Variants in TTC7B observed in about 807,000 individuals in gnomAD.
TTC7B encodes tetratricopeptide repeat domain 7B, also known as tetratricopeptide repeat protein 7B.
Under a neutral mutation model 106.8 loss-of-function variants are expected in TTC7B, and 28 were observed. The observed-to-expected ratio is 0.26, with a 90% CI of 0.19 to 0.36. The LOEUF (loss-of-function observed/expected upper bound fraction) is 0.36. Ranked by LOEUF, TTC7B falls within the 10% of genes least tolerant of loss-of-function variation. The pLI, the probability that TTC7B is intolerant of heterozygous loss-of-function variation, is 1.00. For synonymous variants in TTC7B, 405 were observed against 430.6 expected, an observed-to-expected ratio of 0.94 and a Z score of 0.74; for missense variants, 862 against 1,076.4, an observed-to-expected ratio of 0.80 and a Z score of 2.79.
Position 90,657,954 on chromosome 14 carries a change from G to T in TTC7B, c.1236+350C>A. Reference sequence around the variant, plus strand: ...CATGCACTGCCTAATATAACACATTGCTCAAGATAACCAACAGGTTTCCCC... The same window carrying T: ...CATGCACTGCCTAATATAACACATTTCTCAAGATAACCAACAGGTTTCCCC... On this transcript the variant is annotated intron_variant, in intron 10 of 19. Coordinates refer to ENST00000328459, the MANE Select transcript of TTC7B (RefSeq NM_001010854.2). The surrounding 1 kb of genome is among the most constrained non-coding windows in gnomAD (Gnocchi z 4.2). The T allele has an allele frequency of 3.3e-6, 1 of 304,512 alleles. No individual in the cohort carries two copies. The highest frequency in any genetic ancestry group is 6.4e-6 in the Non-Finnish European group (1 of 156,542). 18.9% of individuals were successfully genotyped at this position (304,512 alleles called of 1,614,324 possible). A position where few individuals can be genotyped will look rare whatever the true frequency, so the allele number is the denominator to read the frequency against.
chr14:90,564,057 G>A (rs1454847613), intron 19 of TTC7B, among the ~76,000 whole-genome samples: 1 of 151,444 alleles, frequency 6.6e-6, no homozygotes, highest in Admixed American at 6.6e-5. Context: ...ATGAATCATG[G>A]ATGATCTTAA....
chr14:90,602,152 C>T, intron 17 of TTC7B: 2 of 456,024 alleles, frequency 4.4e-6, no homozygotes, highest in South Asian at 1.5e-5. Flanking sequence ...GCACTGGATC[C>T]CCATATCCAC....
intron 8 of TTC7B, among the ~76,000 whole-genome samples, chr14:90,678,878 G>C (rs1342097453): frequency 2.0e-5 from 3 of 152,176 alleles, no homozygotes; most frequent in Non-Finnish European, 4.4e-5. Flanking sequence ...GAATTGTCCA[G>C]GTAATCTAAA....
At chr14:90,741,471 A>C (rs1889761656) in intron 4 of TTC7B, among the ~76,000 whole-genome samples, 1 of 152,152 alleles carries the variant, frequency 6.6e-6, no homozygotes, top group Non-Finnish European at 1.5e-5. Flanking sequence ...GTGACAGGGC[A>C]CCATGGAGAG....
chr14:90,705,834 C>T (rs531675007), intron 5 of TTC7B, among the ~76,000 whole-genome samples: 80 of 152,288 alleles, frequency 5.3e-4, no homozygotes, highest in Non-Finnish European at 9.8e-4. Flanking sequence ...TTACACCTTC[C>T]CCACTACCTC....
intron 19 of TTC7B, among the ~76,000 whole-genome samples, chr14:90,568,034 C>T (rs1486171027): frequency 6.6e-6 from 1 of 152,160 alleles, no homozygotes; most frequent in Admixed American, 6.5e-5. Flanking sequence ...GGGACCAGCA[C>T]CAAATGGTGG....
chr14:90,564,847 G>T (rs1365211147), intron 19 of TTC7B, among the ~76,000 whole-genome samples: 3 of 152,170 alleles, frequency 2.0e-5, no homozygotes, highest in African/African-American at 7.2e-5. Context: ...GGAGTTCAAG[G>T]CTGCAGTGAG....
At chr14:90,542,125 G>A (rs1204223891) in intron 19 of TTC7B, among the ~76,000 whole-genome samples, 1 of 152,130 alleles carries the variant, frequency 6.6e-6, no homozygotes, top group Non-Finnish European at 1.5e-5. Flanking sequence ...ATTTTTAGTA[G>A]AGACAGGGTT....
intron 5 of TTC7B, among the ~76,000 whole-genome samples, chr14:90,713,873 A>T (rs1392325477): frequency 6.6e-6 from 1 of 152,334 alleles, no homozygotes; most frequent in East Asian, 1.9e-4. Flanking sequence ...ATAAAAAGGA[A>T]TGACCTGCTG....
chr14:90,664,770 A>C (rs1421310008), intron 9 of TTC7B, among the ~76,000 whole-genome samples: 3 of 152,226 alleles, frequency 2.0e-5, no homozygotes, highest in Non-Finnish European at 4.4e-5. Context: ...GCCTAGGCTT[A>C]ATCCAAGCTC....
intron 15 of TTC7B, among the ~76,000 whole-genome samples, chr14:90,631,209 T>C (rs901912453): frequency 6.6e-6 from 1 of 152,222 alleles, no homozygotes; most frequent in African/African-American, 2.4e-5. Context: ...CATTCATTCA[T>C]TGATAGGCAC....
chr14:90,745,497 T>C (rs1013487685), intron 3 of TTC7B, among the ~76,000 whole-genome samples: 4 of 152,154 alleles, frequency 2.6e-5, no homozygotes, highest in African/African-American at 9.7e-5. Context: ...TAAGAATCAA[T>C]GTTGGATTTG....
chr14:90,657,178 T>A lies in TTC7B; in HGVS notation c.1337A>T (p.His446Leu). 6.2e-7 allele frequency: 1 copy of A among 1,613,674 alleles called. No homozygotes were observed. Among genetic ancestry groups the A allele is most frequent in the South Asian group, 1.1e-5 (1 of 91,080 alleles). The change falls in exon 11 of 20, where the codon CAC (histidine) becomes CTC (leucine). Residue 446 changes from histidine to leucine, a missense_variant. Transcript: ENST00000328459. This position sits in a 1 kb window ranked among gnomAD's most constrained non-coding sequence, Gnocchi z 4.2. The stretch of plus-strand genomic sequence containing the variant: ...GAGGGGGGCGCCCCTACTCACCCAG[T>A]GCAGGGAGCCCATGCAGAGCTTGGC... ...LAAKLCMGSL[H>L]WLEEAEKFAK... is the part of the protein sequence containing the mutation.
chr14:90,587,165 G>A (rs563702069), intron 18 of TTC7B, among the ~76,000 whole-genome samples: 2 of 152,186 alleles, frequency 1.3e-5, no homozygotes, highest in South Asian at 2.1e-4. Context: ...TTCCGGAGAG[G>A]GGTCTTGCTA....
At chr14:90,612,577 C>A (rs1426764637) in intron 16 of TTC7B, among the ~76,000 whole-genome samples, 1 of 152,190 alleles carries the variant, frequency 6.6e-6, no homozygotes, top group African/African-American at 2.4e-5. Flanking sequence ...CCAGGCCTCT[C>A]ATCTCACCAT....
chr14:90,645,606 G>A (rs747755477), intron 14 of TTC7B, among the ~76,000 whole-genome samples: 8 of 152,204 alleles, frequency 5.3e-5, no homozygotes, highest in Non-Finnish European at 1.0e-4. Context: ...TTCCCCAGGT[G>A]ACAACCTACT....
At chr14:90,756,031 C>T (rs537859976) in intron 3 of TTC7B, among the ~76,000 whole-genome samples, 1 of 152,366 alleles carries the variant, frequency 6.6e-6, no homozygotes, top group East Asian at 1.9e-4. Context: ...AAATCAAACA[C>T]AGTTCACATT....
chr14:90,767,071 G>T, intron 3 of TTC7B: 1 of 720,004 alleles, frequency 1.4e-6, no homozygotes, highest in South Asian at 1.9e-5. Context: ...AAGAAATTCT[G>T]GGCTGGGTGC....
chr14:90,744,756 A>T (rs1889894981), intron 4 of TTC7B, 36 bp downstream of exon 4: 1 of 1,601,462 alleles, frequency 6.2e-7, no homozygotes. Flanking sequence ...TTTGAGGGAA[A>T]AAGTTATCAG....
Sources: allele counts gnomAD v4.1 joint callset (sites outside exome capture counted in the v4.1 genomes callset), GRCh38; gene constraint gnomAD v4.1.1; non-coding constraint Gnocchi (gnomAD v3.1); transcripts MANE v1.5; gene names NCBI Gene and HGNC (gene_info 2026-07-23, HGNC 2026-07-21).